ATP10A: variants seen among roughly 807,000 people sequenced by gnomAD.
ATP10A encodes the protein ATPase phospholipid transporting 10A (putative).
Under a neutral mutation model 147.8 loss-of-function variants are expected in ATP10A, and 111 were observed. The ratio of observed to expected loss-of-function variants is 0.75; its 90% confidence interval spans 0.64 to 0.88. The LOEUF (loss-of-function observed/expected upper bound fraction) is 0.88. Among genes scored for constraint, ATP10A ranks in the 40% least tolerant of loss-of-function variants. ATP10A has a pLI of 0.00. For synonymous variants in ATP10A, 875 were observed against 841.6 expected (o/e 1.04, Z -0.69); for missense variants, 1,927 against 1,959.0 (o/e 0.98, Z 0.31).
At chr15:25,851,525 A>G (rs1220578883) in intron 1 of ATP10A, among the ~76,000 whole-genome samples, 2 of 152,196 alleles carry the variant, frequency 1.3e-5, no homozygotes, top group Admixed American at 6.5e-5. Flanking sequence ...TATACGCCAC[A>G]TTGCCATTTA....
chr15:25,738,417 G>A (rs563685081), intron 2 of ATP10A: 3 of 152,260 alleles, frequency 2.0e-5, no homozygotes, highest in Non-Finnish European at 4.4e-5. Context: ...GCAACAATGC[G>A]AATGAACTTA....
At chr15:25,698,359 G>A (rs1410146715) in intron 13 of ATP10A, among the ~76,000 whole-genome samples, 1 of 152,186 alleles carries the variant, frequency 6.6e-6, no homozygotes, top group African/African-American at 2.4e-5. Context: ...ACCAAGGAAA[G>A]AGTCAGTGAA....
chr15:25,817,113 C>T (rs1242170463), intron 1 of ATP10A, among the ~76,000 whole-genome samples: 7 of 151,888 alleles, frequency 4.6e-5, no homozygotes, highest in Non-Finnish European at 1.0e-4. Context: ...GACAGAGTCT[C>T]GCTCTGTCAC....
At chr15:25,706,891 C>T (rs1401740646) in intron 12 of ATP10A, among the ~76,000 whole-genome samples, 1 of 152,190 alleles carries the variant, frequency 6.6e-6, no homozygotes, top group Non-Finnish European at 1.5e-5. Flanking sequence ...CACAGGCCTG[C>T]ACAATACTGT....
At position 25,683,273 on chromosome 15, in the gene ATP10A, G is replaced by A. The variant is rs576137565; in HGVS notation, c.3492+13C>T. 1.6e-5 allele frequency: 26 copies of A among 1,611,746 alleles called. No individual in the cohort carries two copies. The highest frequency in any genetic ancestry group is 1.0e-4 in the Admixed American group (6 of 59,994). ...CTCAGGAGGTGGAAGGCGGAGACTCGGGGGAGCTTTACCTCCATGTTCTGG... is the reference window on the plus strand; with the variant it reads ...CTCAGGAGGTGGAAGGCGGAGACTCAGGGGAGCTTTACCTCCATGTTCTGG... On this transcript the variant is annotated intron_variant, in intron 17 of 20. Coordinates refer to ENST00000555815, the MANE Select transcript of ATP10A (RefSeq NM_024490.4).
At chr15:25,861,037 C>T (rs376812442) in intron 1 of ATP10A, among the ~76,000 whole-genome samples, 1 of 152,092 alleles carries the variant, frequency 6.6e-6, no homozygotes. Context: ...TAAGGGGTGC[C>T]GCTCTTGTCC....
At chr15:25,779,991 C>T (rs58461136) in intron 2 of ATP10A, among the ~76,000 whole-genome samples, 15,627 of 152,128 alleles carry the variant, frequency 0.1, 1,669 homozygotes, top group African/African-American at 0.23. Context: ...TGGCCTGCTG[C>T]AAGTGTGTCA....
At chr15:25,838,983 A>G (rs1436029042) in intron 1 of ATP10A, among the ~76,000 whole-genome samples, 3 of 152,188 alleles carry the variant, frequency 2.0e-5, no homozygotes, top group Non-Finnish European at 4.4e-5. Context: ...TCATTCAGGA[A>G]TATCCCATAG....
At chr15:25,813,324 G>A (rs1891509550) in intron 1 of ATP10A, among the ~76,000 whole-genome samples, 1 of 152,148 alleles carries the variant, frequency 6.6e-6, no homozygotes, top group South Asian at 2.1e-4. Context: ...GAAAATGCCT[G>A]GATTAAAGGC....
intron 1 of ATP10A, among the ~76,000 whole-genome samples, chr15:25,846,485 G>A (rs1034872813): frequency 1.1e-4 from 16 of 152,088 alleles, no homozygotes; most frequent in African/African-American, 3.6e-4. Flanking sequence ...GAGTCAGAGC[G>A]CCCCACCCCT....
intron 1 of ATP10A, among the ~76,000 whole-genome samples, chr15:25,847,220 A>C (rs1337347285): frequency 8.8e-6 from 1 of 113,544 alleles, no homozygotes; most frequent in Non-Finnish European, 2.1e-5. Context: ...CTGACTGAGC[A>C]GCACGCGCAG....
intron 14 of ATP10A, among the ~76,000 whole-genome samples, chr15:25,692,227 T>C (rs977375357): frequency 6.6e-6 from 1 of 152,156 alleles, no homozygotes; most frequent in Non-Finnish European, 1.5e-5. Flanking sequence ...GCCCAGCACG[T>C]TGTGGAGCTC....
Position 25,850,646 on chromosome 15 carries a change from C to G in ATP10A, c.449+12002G>C, listed in dbSNP as rs112115225. Among the ~76,000 whole-genome samples the G allele has an allele frequency of 1.5e-4, 22 of 150,476 alleles. 1 individual carries two copies. In the South Asian group the frequency reaches 3.6e-3, roughly 25 times the overall value. On this transcript the variant is annotated intron_variant, in intron 1 of 20. Transcript: ENST00000555815. ...GCTCCATTCTCCCTCCCTCCCTCCC[C>G]CCCCAGCCCCGGTGACTCACTCCGC...
At chr15:25,864,798 G>A (rs1893917355), upstream of ATP10A, among the ~76,000 whole-genome samples, 1 of 152,172 alleles carries the variant, frequency 6.6e-6, no homozygotes, top group Non-Finnish European at 1.5e-5. Flanking sequence ...CTGCAGTCTT[G>A]AGGCCTCACA....
chr15:25,692,152 G>C (rs1272962515), intron 14 of ATP10A, among the ~76,000 whole-genome samples: 1 of 152,104 alleles, frequency 6.6e-6, no homozygotes, highest in East Asian at 1.9e-4. Flanking sequence ...CAGCCAAGCA[G>C]CCAAGGCTAC....
At chr15:25,723,476 T>C (rs559382204) in intron 6 of ATP10A, among the ~76,000 whole-genome samples, 1 of 152,154 alleles carries the variant, frequency 6.6e-6, no homozygotes, top group African/African-American at 2.4e-5. Flanking sequence ...GCATGGAAAC[T>C]CTCTGTAAAA....
At chr15:25,673,341 G>A (rs534378977), downstream of ATP10A, among the ~76,000 whole-genome samples, 26 of 152,188 alleles carry the variant, frequency 1.7e-4, no homozygotes, top group Non-Finnish European at 3.2e-4. Flanking sequence ...GAGGAGAGGT[G>A]GGGCTTCCTG....
intron 1 of ATP10A, among the ~76,000 whole-genome samples, chr15:25,789,779 C>T (rs1890327832): frequency 6.6e-6 from 1 of 152,068 alleles, no homozygotes. Flanking sequence ...GCTGGATATC[C>T]TTGATGGTGG....
chr15:25,777,920 C>T (rs981136487), intron 2 of ATP10A, among the ~76,000 whole-genome samples: 10 of 151,594 alleles, frequency 6.6e-5, no homozygotes, highest in South Asian at 4.2e-4. Context: ...CTCCTATATT[C>T]TTCAGGGTCC....
Sources: gnomAD v4.1 joint callset for allele counts (sites outside exome capture counted in the v4.1 genomes callset) on GRCh38, gnomAD v4.1.1 for gene constraint, MANE v1.5 for transcripts, NCBI Gene and HGNC (gene_info 2026-07-23, HGNC 2026-07-21) for gene names.